The following UBASH3A variants were observed in gnomAD, a reference collection of about 807,000 sequenced individuals.
The protein encoded by UBASH3A is ubiquitin-associated and SH3 domain-containing protein A.
In UBASH3A, 63 loss-of-function variants were observed where a neutral mutation model predicts 73.5. The observed-to-expected ratio is 0.86, with a 90% confidence interval of 0.70 to 1.06. The LOEUF is 1.06. Ranked by LOEUF, UBASH3A falls within the 50% of genes least tolerant of loss-of-function variation. The probability of loss-of-function intolerance (pLI) is 0.00; values close to 1 mark genes in which losing one functional copy is unlikely to be tolerated. For synonymous variants in UBASH3A, 363 were observed against 351.1 expected (o/e 1.03, Z -0.38); for missense variants, 860 against 859.0 (o/e 1.00, Z -0.02).
chr21:42,406,261 C>A, intron 1 of UBASH3A, 47 bp from the exon 2 acceptor site: 1 of 1,570,836 alleles, frequency 6.4e-7, no homozygotes, highest in Non-Finnish European at 8.8e-7. Flanking sequence ...GACCCTTTTC[C>A]CAAGAATGGG....
At chr21:42,435,077 TCTG>T (rs2146582546) in intron 10 of UBASH3A, 123 bp downstream of exon 10, 5 of 1,275,582 alleles carry the variant, frequency 3.9e-6, no homozygotes, top group Non-Finnish European at 5.4e-6. Context: ...TTGTCTCCAG[TCTG>T]CTGAGGAGGC....
chr21:42,423,400 G>A (rs1213426109), intron 7 of UBASH3A, among the ~76,000 whole-genome samples: 1 of 152,222 alleles, frequency 6.6e-6, no homozygotes, highest in African/African-American at 2.4e-5. Context: ...GAGGCCAGGT[G>A]ACGTTGTACA....
intron 6 of UBASH3A, among the ~76,000 whole-genome samples, chr21:42,416,950 G>A (rs1296111352): frequency 2.0e-5 from 3 of 151,528 alleles, no homozygotes; most frequent in East Asian, 3.9e-4. Flanking sequence ...GCAGATGAGT[G>A]AACGGCCACT....
chr21:42,443,270 C>T (rs141672254), intron 12 of UBASH3A, 42 bp from the exon 13 acceptor site: 405 of 1,590,468 alleles, frequency 2.5e-4, no homozygotes, highest in Middle Eastern at 8.4e-4. Flanking sequence ...CTAATCCCTA[C>T]GAAAGTGCCA....
At chr21:42,416,642 G>A (rs773277886) in intron 6 of UBASH3A, 31 bp downstream of exon 6, 2 of 1,485,200 alleles carry the variant, frequency 1.3e-6, no homozygotes, top group South Asian at 2.6e-5. Flanking sequence ...CTCATAAGAA[G>A]CAGATGAATG....
intron 11 of UBASH3A, among the ~76,000 whole-genome samples, chr21:42,439,141 C>T (rs1221603106): frequency 1.3e-5 from 2 of 152,148 alleles, no homozygotes; most frequent in African/African-American, 2.4e-5. Context: ...TGGTTCCACC[C>T]CGGAGCCTCT....
intron 8 of UBASH3A, among the ~76,000 whole-genome samples, chr21:42,428,746 T>G (rs2053481346): frequency 1.3e-5 from 2 of 152,048 alleles, no homozygotes; most frequent in Non-Finnish European, 2.9e-5. Flanking sequence ...TCTCTGCTCG[T>G]AGCTCAGCCT....
intron 7 of UBASH3A, among the ~76,000 whole-genome samples, chr21:42,420,709 G>A (rs2053321452): frequency 6.6e-6 from 1 of 152,186 alleles, no homozygotes; most frequent in South Asian, 2.1e-4. Context: ...CCCGGGTGAT[G>A]GGAGAGCAGT....
intron 11 of UBASH3A, among the ~76,000 whole-genome samples, chr21:42,439,269 A>G (rs1268947023): frequency 6.6e-6 from 1 of 152,116 alleles, no homozygotes; most frequent in African/African-American, 2.4e-5. Flanking sequence ...TCCACCTTCC[A>G]CACACTTAAA....
intron 8 of UBASH3A, among the ~76,000 whole-genome samples, chr21:42,427,228 G>A (rs1272219787): frequency 6.6e-6 from 1 of 152,128 alleles, no homozygotes; most frequent in East Asian, 1.9e-4. Context: ...GGCACAGCAG[G>A]GCACCCCGAG....
At position 42,404,073 on chromosome 21, in the gene UBASH3A, G is replaced by T; in HGVS notation, c.113+15G>T. ...GTGCACACCGCGTGAGTACTGCCCA[G>T]AGACCCCGGGGCCCAGCCAGTAAGG... On this transcript the variant is annotated intron_variant, in intron 1 of 14. Transcript: ENST00000319294. 1 of 1,422,692 alleles carries T rather than the reference G, an allele frequency of 7.0e-7. No individual in the cohort carries two copies. The highest frequency in any genetic ancestry group is 9.4e-7 in the Non-Finnish European group (1 of 1,068,208). The allele number at this position is 1,422,692 out of a possible 1,614,324, so 88.1% of individuals were successfully genotyped here. A position where few individuals can be genotyped will look rare whatever the true frequency, so the allele number is the denominator to read the frequency against.
chr21:42,416,635 A>G (rs1246748034), intron 6 of UBASH3A, 24 bp downstream of exon 6: 3 of 1,505,372 alleles, frequency 2.0e-6, no homozygotes, highest in Non-Finnish European at 2.7e-6. Flanking sequence ...GCAGGGGCTC[A>G]TAAGAAGCAG....
chr21:42,416,686 G>A (rs771695045), intron 6 of UBASH3A, 75 bp downstream of exon 6: 1 of 1,355,196 alleles, frequency 7.4e-7, no homozygotes, highest in Non-Finnish European at 9.6e-7. Flanking sequence ...TGTAATCCCA[G>A]CACTTTGGGA....
intron 8 of UBASH3A, among the ~76,000 whole-genome samples, chr21:42,430,606 A>G (rs1272709064): frequency 6.6e-6 from 1 of 152,158 alleles, no homozygotes; most frequent in Non-Finnish European, 1.5e-5. Context: ...CCTGGGCTCC[A>G]GGCAGGATTT....
At chr21:42,432,228 G>A (rs766803911) in intron 9 of UBASH3A, 26 bp downstream of exon 9, 31 of 1,492,668 alleles carry the variant, frequency 2.1e-5, no homozygotes, top group African/African-American at 8.3e-5. Context: ...GCGGGTCTAC[G>A]GACAGAAACA....
intron 5 of UBASH3A, among the ~76,000 whole-genome samples, chr21:42,414,791 A>G (rs1215654106): frequency 6.6e-6 from 1 of 151,918 alleles, no homozygotes; most frequent in African/African-American, 2.4e-5. Context: ...TTGATTTTGA[A>G]CCTCTAGTCT....
intron 8 of UBASH3A, 71 bp from the exon 9 acceptor site, chr21:42,432,032 C>A: frequency 1.1e-6 from 1 of 878,428 alleles, no homozygotes; most frequent in Non-Finnish European, 1.9e-6. Context: ...ACTGGGAGAG[C>A]TGCCATTGGT....
rs200653069 is a variant in UBASH3A at position 42,418,383 on chromosome 21, C to G, written c.838-18C>G. On this transcript the variant is annotated intron_variant, in intron 6 of 14. Coordinates refer to ENST00000319294, the MANE Select transcript of UBASH3A (RefSeq NM_018961.4). ...AAATCTTTGCTCGAGACGTGAAACC[C>G]CTTTGCCTCTTTTCTAGACCCTGAG... The G allele has an allele frequency of 2.2e-4, 345 of 1,603,120 alleles. 5 individuals carry two copies. The East Asian group carries it at 7.6e-3, about 35-fold the overall frequency.
At chr21:42,421,525 A>G (rs2053338055) in intron 7 of UBASH3A, among the ~76,000 whole-genome samples, 1 of 152,250 alleles carries the variant, frequency 6.6e-6, no homozygotes, top group Non-Finnish European at 1.5e-5. Context: ...ATAAATCATT[A>G]AGTTGAACAC....
Sources: allele counts gnomAD v4.1 joint callset (sites outside exome capture counted in the v4.1 genomes callset), GRCh38; gene constraint gnomAD v4.1.1; transcripts MANE v1.5; gene names NCBI Gene and HGNC (gene_info 2026-07-23, HGNC 2026-07-21).